The following CGGBP1 variants were observed in gnomAD, a reference collection of about 807,000 sequenced individuals.
CGGBP1 encodes CGG triplet repeat-binding protein 1.
CGGBP1 carries 4 observed loss-of-function variants against 11.4 expected under a neutral mutation model. The ratio of observed to expected loss-of-function variants is 0.35; its 90% CI spans 0.17 to 0.80. The LOEUF is 0.80. Among genes scored for constraint, CGGBP1 ranks in the 30% least tolerant of loss-of-function variants. CGGBP1 has a pLI of 0.52. For synonymous variants in CGGBP1, 76 were observed against 74.1 expected (o/e 1.03, Z -0.13); for missense variants, 135 against 202.1 (o/e 0.67, Z 2.01).
In CGGBP1 at chr3:88,071,553, G is replaced by A. The variant is rs1707511376; in HGVS notation, c.-228-13330C>T. On this transcript the variant is annotated intron_variant, in intron 2 of 3. Transcript: ENST00000462901. The stretch of plus-strand genomic sequence containing the variant: ...CCCAGCTACTTGGCAGGAGAATGGC[G>A]TGAACCTGGGAGGCGGAGCTTGCAG... Among the ~76,000 whole-genome samples the A allele has an allele frequency of 3.3e-5, 5 of 152,328 alleles. No individual in the cohort carries two copies. The South Asian group carries it at 8.3e-4, about 25-fold the overall frequency.
intron 2 of CGGBP1, among the ~76,000 whole-genome samples, chr3:88,090,330 A>G (rs1445497317): frequency 2.0e-5 from 3 of 152,204 alleles, no homozygotes; most frequent in Non-Finnish European, 2.9e-5. Flanking sequence ...GATTCTATGT[A>G]GAACTAGGCT....
intron 2 of CGGBP1, chr3:88,129,733 A>G (rs1706335329): frequency 6.5e-7 from 1 of 1,528,280 alleles, no homozygotes; most frequent in South Asian, 1.2e-5. Flanking sequence ...ATCATCTGTA[A>G]TGCTGAAAAA....
In CGGBP1 at chr3:88,118,721, C is replaced by T. The variant is rs73844880; in HGVS notation, c.-229+22249G>A. Among the ~76,000 whole-genome samples the T allele has an allele frequency of 3.0e-3, 462 of 152,234 alleles. 3 individuals carry two copies. The highest frequency in any genetic ancestry group is 0.011 in the African/African-American group (444 of 41,546). The stretch of plus-strand genomic sequence containing the variant: ...CAACCATATCAGCTTAATAGCAAAG[C>T]ATTTTTTGAGGCGAATTTTCAAAAC... On this transcript the variant is annotated intron_variant, in intron 2 of 3. Transcript: ENST00000462901.
chr3:88,100,823 G>A (rs1403928392), intron 2 of CGGBP1, among the ~76,000 whole-genome samples: 4 of 152,122 alleles, frequency 2.6e-5, no homozygotes, highest in Non-Finnish European at 5.9e-5. Flanking sequence ...GGTGGGGAAA[G>A]CGGGGAGGGA....
At chr3:88,139,379 C>A (rs1303566735) in intron 2 of CGGBP1, 26 of 1,613,218 alleles carry the variant, frequency 1.6e-5, no homozygotes, top group Non-Finnish European at 1.9e-5. Context: ...AGAAAAAAGG[C>A]AGTTTTGCAT....
At chr3:88,089,459 C>T (rs149100297) in intron 2 of CGGBP1, among the ~76,000 whole-genome samples, 130 of 149,808 alleles carry the variant, frequency 8.7e-4, no homozygotes, top group African/African-American at 3.1e-3. Context: ...CCATTGCACT[C>T]TAGCCTGGGC....
At chr3:88,064,933 A>G (rs1559685396) in intron 2 of CGGBP1, among the ~76,000 whole-genome samples, 1 of 152,252 alleles carries the variant, frequency 6.6e-6, no homozygotes, top group Non-Finnish European at 1.5e-5. Context: ...TACTTTTGAA[A>G]GAGTATCCTA....
chr3:88,096,104 TTTGA>T (rs1446296019), intron 2 of CGGBP1: 5 of 161,482 alleles, frequency 3.1e-5, no homozygotes, highest in Non-Finnish European at 5.3e-5. Context: ...TCATTTTCTT[TTTGA>T]TTAAGATCTG....
rs766345098 is a variant in CGGBP1, at chr3:88,055,672, C to T, written c.305G>A (p.Ser102Asn). ...CNSTAQTEKV[S>N]VIQDFVKMCL... is the part of the protein sequence containing the mutation. ...CATTTTCACAAAGTCCTGGATAACA[C>T]TGACTTTCTCTGTTTGCGCAGTACT... is the stretch of plus-strand genomic sequence containing the variant. The change falls in exon 4 of 4, where the codon AGT becomes AAT. Residue 102 changes from serine to asparagine, a missense_variant. By Grantham distance (46) the Ser-to-Asn change is conservative (BLOSUM62 1). Coordinates refer to ENST00000482016, the MANE Select transcript of CGGBP1 (RefSeq NM_001008390.2). This position sits in a 1 kb window ranked among gnomAD's most constrained non-coding sequence, Gnocchi z 4.2. 1 of 1,614,228 alleles carries T rather than the reference C, an allele frequency of 6.2e-7. No homozygotes were observed.
rs144941160 is a variant in CGGBP1, at chr3:88,053,969, T to G, written c.*1504A>C. On this transcript the variant is annotated 3_prime_UTR_variant, in exon 4 of 4. Transcript: ENST00000482016. ...ATGAAAACAAATCTCTGAAGTCAAA[T>G]GGCCAGTTTGACAACCTGAATTAGA... The G allele has an allele frequency of 6.6e-6, 1 of 152,556 alleles. No homozygotes were observed. 9.5% of individuals were successfully genotyped at this position (152,556 alleles called of 1,614,324 possible).
At chr3:88,094,534 T>C (rs1328465949) in intron 2 of CGGBP1, among the ~76,000 whole-genome samples, 1 of 152,020 alleles carries the variant, frequency 6.6e-6, no homozygotes, top group Non-Finnish European at 1.5e-5. Context: ...TTTTGGAAAA[T>C]GGTATTTATT....
chr3:88,059,281 C>CGGA (rs1016395795), upstream of CGGBP1: 1 of 1,532,104 alleles, frequency 6.5e-7, no homozygotes, highest in African/African-American at 1.4e-5. Context: ...GCGGCGGCGG[C>CGGA]GGCGCAGGGG....
intron 2 of CGGBP1, among the ~76,000 whole-genome samples, chr3:88,078,458 C>G (rs574728606): frequency 6.6e-6 from 1 of 152,118 alleles, no homozygotes; most frequent in African/African-American, 2.4e-5. Flanking sequence ...GGGGGTGGGA[C>G]AGGAAGCACT....
chr3:88,128,030 T>A (rs1706223616), intron 2 of CGGBP1, among the ~76,000 whole-genome samples: 1 of 152,162 alleles, frequency 6.6e-6, no homozygotes, highest in Non-Finnish European at 1.5e-5. Flanking sequence ...GGATTCAAAA[T>A]CATAAAAATA....
chr3:88,129,570 CTT>C, intron 2 of CGGBP1: 4 of 797,218 alleles, frequency 5.0e-6, no homozygotes, highest in Non-Finnish European at 5.6e-6. Context: ...TCATCATTGT[CTT>C]TGTAGAAGAA....
chr3:88,082,805 T>G (rs7618472), intron 2 of CGGBP1, among the ~76,000 whole-genome samples: 119,123 of 152,082 alleles, frequency 0.78, 47,580 homozygotes, highest in South Asian at 0.91. Flanking sequence ...TTACTTAGGC[T>G]GCCATAGGAA....
At chr3:88,065,552 G>T (rs1156569082) in intron 2 of CGGBP1, among the ~76,000 whole-genome samples, 1 of 152,040 alleles carries the variant, frequency 6.6e-6, no homozygotes, top group Non-Finnish European at 1.5e-5. Flanking sequence ...TAAATAAAAA[G>T]ACTGAAATAT....
At chr3:88,135,369 A>C in intron 2 of CGGBP1, 4 of 428,564 alleles carry the variant, frequency 9.3e-6, no homozygotes, top group South Asian at 1.1e-4. Flanking sequence ...CCAAACTCTC[A>C]ACATGGGAGG....
intron 2 of CGGBP1, among the ~76,000 whole-genome samples, chr3:88,126,776 T>C (rs1706131158): frequency 6.6e-6 from 1 of 152,122 alleles, no homozygotes; most frequent in Non-Finnish European, 1.5e-5. Flanking sequence ...GTTGATTGAA[T>C]GAATGACCAC....
Sources: allele counts gnomAD v4.1 joint callset (sites outside exome capture counted in the v4.1 genomes callset), GRCh38; gene constraint gnomAD v4.1.1; non-coding constraint Gnocchi (gnomAD v3.1); transcripts MANE v1.5; gene names NCBI Gene and HGNC (gene_info 2026-07-23, HGNC 2026-07-21).